Variants in GNRHR observed in about 807,000 individuals in gnomAD.
GNRHR encodes the protein gonadotropin-releasing hormone receptor.
GNRHR carries 14 observed loss-of-function variants against 28.1 expected under a neutral mutation model. That is an observed-to-expected ratio of 0.50 (90% CI 0.33 to 0.78). The LOEUF (loss-of-function observed/expected upper bound fraction) is 0.78. Among genes scored for constraint, GNRHR ranks in the 30% least tolerant of loss-of-function variants. GNRHR has a pLI of 0.02. For missense variants in GNRHR, 366 were observed against 382.1 expected (o/e 0.96, Z 0.35); for synonymous variants, 141 against 140.5 (o/e 1.00, Z -0.02).
chr4:67,744,085 G>A (rs536940949), intron 2 of GNRHR, among the ~76,000 whole-genome samples: 1 of 152,278 alleles, frequency 6.6e-6, no homozygotes, highest in Admixed American at 6.5e-5. Context: ...AGTTTTGAAT[G>A]AAATAATCAT....
At chr4:67,748,583 T>A (rs11930788) in intron 1 of GNRHR, among the ~76,000 whole-genome samples, 1,970 of 152,132 alleles carry the variant, frequency 0.013, 51 homozygotes, top group African/African-American at 0.045. Context: ...AATATTGCAG[T>A]GTTCACTGGG....
chr4:67,743,143 G>T (rs1445855437), intron 2 of GNRHR, among the ~76,000 whole-genome samples: 1 of 151,982 alleles, frequency 6.6e-6, no homozygotes, highest in Non-Finnish European at 1.5e-5. Context: ...GGTAGAGACA[G>T]GTTTCATCGT....
Position 67,744,713 on chromosome 4 carries a change from G to T in GNRHR, c.597C>A (p.His199Gln). ...GATGCCACCATTGTGAAAAACTGCA[G>T]TGTGTTACACATTGAGAGAAAACTT... ...QTKVFSQCVTHCSFSQWWHQA... is the reference protein window; with the variant it reads ...QTKVFSQCVTQCSFSQWWHQA... The change falls in exon 2 of 3, where the codon CAC becomes CAA. Residue 199 changes from histidine (H) to glutamine (Q), a missense_variant. By Grantham distance (24) the His-to-Gln change is conservative. Coordinates refer to ENST00000226413, the MANE Select transcript of GNRHR (RefSeq NM_000406.3). The T allele has an allele frequency of 1.9e-6, 3 of 1,610,980 alleles. No individual in the cohort carries two copies. The highest frequency in any genetic ancestry group is 2.5e-6 in the Non-Finnish European group (3 of 1,177,092).
At chr4:67,750,021 G>A (rs1198804468) in intron 1 of GNRHR, among the ~76,000 whole-genome samples, 2 of 151,892 alleles carry the variant, frequency 1.3e-5, no homozygotes, top group African/African-American at 2.4e-5. Context: ...AGGAAGAAAG[G>A]AAAAGAAGAA....
At chr4:67,748,121 A>C (rs1287461082) in intron 1 of GNRHR, among the ~76,000 whole-genome samples, 1 of 152,084 alleles carries the variant, frequency 6.6e-6, no homozygotes, top group Non-Finnish European at 1.5e-5. Flanking sequence ...TGCCATAAAC[A>C]AGAACATTCT....
chr4:67,743,300 A>T (rs1731696343), intron 2 of GNRHR, among the ~76,000 whole-genome samples: 1 of 152,154 alleles, frequency 6.6e-6, no homozygotes, highest in African/African-American at 2.4e-5. Context: ...TTGGTGACAC[A>T]TCCATTTAAA....
rs764150468 is a variant in GNRHR, at chr4:67,754,130, T to G, written c.206A>C (p.Lys69Thr). 1 of 1,614,152 alleles carries G rather than the reference T, an allele frequency of 6.2e-7. No individual in the cohort carries two copies. The highest frequency in any genetic ancestry group is 8.5e-7 in the Non-Finnish European group (1 of 1,179,970). The change falls in exon 1 of 3, where the codon AAA becomes ACA. Residue 69 changes from lysine to threonine, a missense_variant. Physicochemically the swap from Lys to Thr is moderately conservative, Grantham distance 78. Coordinates refer to ENST00000226413, the MANE Select transcript of GNRHR (RefSeq NM_000406.3). ...KLQKWTQKKE[K>T]GKKLSRMKLL... ...CTTCATTCTTGAGAGCTTTTTCCCT[T>G]TCTCTTTCTTCTGTGTCCACTTCTG... is the stretch of plus-strand genomic sequence containing the variant.
intron 1 of GNRHR, among the ~76,000 whole-genome samples, chr4:67,747,711 C>T (rs1181180584): frequency 2.6e-5 from 4 of 152,114 alleles, no homozygotes; most frequent in Admixed American, 2.6e-4. Context: ...TTATTTAACA[C>T]ATGCTTATTT....
At chr4:67,746,064 A>G (rs959486628) in intron 1 of GNRHR, among the ~76,000 whole-genome samples, 1 of 152,118 alleles carries the variant, frequency 6.6e-6, no homozygotes, top group African/African-American at 2.4e-5. Context: ...TCTGAATAGA[A>G]CATATAAATT....
At position 67,737,636 on chromosome 4, in the gene GNRHR, T is replaced by G. The variant is rs1312798131; in HGVS notation, c.*2844A>C. ...TTGTGGTACCTTCCCCAGAGTATTT[T>G]TTTAGCTACTATATTTCTATATTTC... On this transcript the variant is annotated 3_prime_UTR_variant, in exon 3 of 3. Transcript: ENST00000226413. 2.0e-5 allele frequency among the ~76,000 whole-genome samples: 3 copies of G among 152,034 alleles called. No individual in the cohort carries two copies. The highest frequency in any genetic ancestry group is 4.4e-5 in the Non-Finnish European group (3 of 67,900).
intron 1 of GNRHR, 167 bp downstream of exon 1, chr4:67,753,647 T>A (rs1032049687): frequency 6.3e-6 from 4 of 635,588 alleles, no homozygotes; most frequent in Non-Finnish European, 1.1e-5. Context: ...GGTTAAGAAG[T>A]TTGCCCAAGG....
rs777782512 is a variant in GNRHR, at chr4:67,754,368, C to T, written c.-33G>A. ...CAGGACAGAGCTTCAAGCCTTGTGT[C>T]TCTGGTGCATCTGATATTTTATTGT... On this transcript the variant is annotated 5_prime_UTR_variant, in exon 1 of 3. Coordinates refer to ENST00000226413, the MANE Select transcript of GNRHR (RefSeq NM_000406.3). The T allele has an allele frequency of 6.4e-7, 1 of 1,554,690 alleles. No individual in the cohort carries two copies. Among genetic ancestry groups the T allele is most frequent in the Admixed American group, 1.7e-5 (1 of 59,914 alleles).
chr4:67,747,572 T>C (rs775481164), intron 1 of GNRHR, among the ~76,000 whole-genome samples: 2 of 152,098 alleles, frequency 1.3e-5, no homozygotes, highest in East Asian at 1.9e-4. Flanking sequence ...GTGGTTCAAA[T>C]TGGTTCATTT....
chr4:67,746,589 T>A (rs1427136359), intron 1 of GNRHR, among the ~76,000 whole-genome samples: 1 of 151,952 alleles, frequency 6.6e-6, no homozygotes, highest in Admixed American at 6.6e-5. Context: ...CAAACAAAAG[T>A]GTTACAATAT....
chr4:67,753,955 G>C lies in GNRHR; in HGVS notation c.381C>G (p.Ala127=). The C allele has an allele frequency of 6.2e-7, 1 of 1,613,900 alleles. No homozygotes were observed. The highest frequency in any genetic ancestry group is 8.5e-7 in the Non-Finnish European group (1 of 1,179,882). Reference sequence around the variant, plus strand: ...TGATCACCACCATCATGAAGGCTGGGGCATACATGGAGAAAAGCTTTAGAT... The same window carrying C: ...TGATCACCACCATCATGAAGGCTGGCGCATACATGGAGAAAAGCTTTAGAT... ...LSYLKLFSMY[A]PAFMMVVISL... The change falls in exon 1 of 3, where the codon GCC becomes GCG. Residue 127 remains alanine (A), a synonymous_variant. Coordinates refer to ENST00000226413, the MANE Select transcript of GNRHR (RefSeq NM_000406.3).
rs2319657 is a variant in GNRHR at position 67,738,039 on chromosome 4, A to G, written c.*2441T>C. ...ATGTATAGATTATACATTATAATTTATGAACCATAATATTCATATAGAATA... is the reference window on the plus strand; with the variant it reads ...ATGTATAGATTATACATTATAATTTGTGAACCATAATATTCATATAGAATA... On this transcript the variant is annotated 3_prime_UTR_variant, in exon 3 of 3. Transcript: ENST00000226413. Among the ~76,000 whole-genome samples the G allele has an allele frequency of 0.063, 9,597 of 151,680 alleles. 348 individuals carry two copies. Among genetic ancestry groups the G allele is most frequent in the Middle Eastern group, 0.072 (21 of 292 alleles).
Position 67,738,019 on chromosome 4 carries a change from T to C in GNRHR, c.*2461A>G, listed in dbSNP as rs1007644282. Among the ~76,000 whole-genome samples, 4 of 151,678 alleles carry C rather than the reference T, an allele frequency of 2.6e-5. No homozygotes were observed. Among genetic ancestry groups the C allele is most frequent in the African/African-American group, 9.7e-5 (4 of 41,394 alleles). The stretch of plus-strand genomic sequence containing the variant: ...AGTTTATATATTACATTATAATGTA[T>C]AGATTATACATTATAATTTATGAAC... On this transcript the variant is annotated 3_prime_UTR_variant, in exon 3 of 3. Transcript: ENST00000226413.
chr4:67,744,965 G>T (rs1731729221), intron 1 of GNRHR, among the ~76,000 whole-genome samples, 178 bp from the exon 2 acceptor site: 5 of 152,098 alleles, frequency 3.3e-5, no homozygotes, highest in Admixed American at 3.3e-4. Context: ...ATATGTTTGG[G>T]TAAGTGTCAA....
intron 2 of GNRHR, 103 bp from the exon 3 acceptor site, chr4:67,740,827 G>A (rs763043479): frequency 4.5e-5 from 36 of 793,048 alleles, no homozygotes; most frequent in South Asian, 2.5e-4. Flanking sequence ...TAATCAATGG[G>A]AGAAAATTTC....
Sources: allele counts gnomAD v4.1 joint callset (sites outside exome capture counted in the v4.1 genomes callset), GRCh38; gene constraint gnomAD v4.1.1; transcripts MANE v1.5; gene names NCBI Gene and HGNC (gene_info 2026-07-23, HGNC 2026-07-21).